Variants in HS6ST3 observed in about 807,000 individuals in gnomAD.
The protein encoded by HS6ST3 is heparan sulfate 6-O-sulfotransferase 3.
HS6ST3 carries 12 observed loss-of-function variants against 36.7 expected under a neutral mutation model. The ratio of observed to expected loss-of-function variants is 0.33; its 90% CI spans 0.21 to 0.53. HS6ST3 has a LOEUF of 0.53. Among genes scored for constraint, HS6ST3 ranks in the 20% least tolerant of loss-of-function variants. HS6ST3 has a pLI of 0.95. For missense variants in HS6ST3, 584 were observed against 640.9 expected, an observed-to-expected ratio of 0.91 and a Z score of 0.96; for synonymous variants, 240 against 257.5, an observed-to-expected ratio of 0.93 and a Z score of 0.65.
chr13:96,260,508 T>C (rs1195675830), intron 1 of HS6ST3, among the ~76,000 whole-genome samples: 2 of 151,294 alleles, frequency 1.3e-5, no homozygotes, highest in Non-Finnish European at 2.9e-5. Flanking sequence ...AGAGACGGGG[T>C]TTCACCATGT....
intron 1 of HS6ST3, among the ~76,000 whole-genome samples, chr13:96,270,169 AGT>A (rs1027958128): frequency 1.3e-5 from 2 of 151,642 alleles, no homozygotes. Context: ...TTTGCACTTG[AGT>A]GTGTGTGTGC....
chr13:96,802,234 G>A (rs897654048), intron 1 of HS6ST3, among the ~76,000 whole-genome samples: 3 of 152,106 alleles, frequency 2.0e-5, no homozygotes, highest in Non-Finnish European at 2.9e-5. Context: ...CAGGATTTAC[G>A]TGATTCATGG....
intron 1 of HS6ST3, among the ~76,000 whole-genome samples, chr13:96,092,342 G>A (rs1029093006): frequency 2.6e-5 from 4 of 152,160 alleles, no homozygotes; most frequent in Middle Eastern, 3.2e-3. Flanking sequence ...CTTGTTTTCA[G>A]GATGGAATGA....
intron 1 of HS6ST3, among the ~76,000 whole-genome samples, chr13:96,346,677 G>C (rs2055157242): frequency 6.6e-6 from 1 of 152,084 alleles, no homozygotes; most frequent in African/African-American, 2.4e-5. Context: ...GCTAAAACTT[G>C]GGCATGTTTT....
intron 1 of HS6ST3, among the ~76,000 whole-genome samples, chr13:96,786,195 A>T (rs948201653): frequency 3.9e-5 from 6 of 152,110 alleles, no homozygotes; most frequent in African/African-American, 1.4e-4. Context: ...CTCTTTCGCC[A>T]GCCCTTTGCG....
chr13:96,178,805 G>T (rs192787540), intron 1 of HS6ST3, among the ~76,000 whole-genome samples: 4 of 152,192 alleles, frequency 2.6e-5, no homozygotes, highest in African/African-American at 9.6e-5. Context: ...CACCCCCTGG[G>T]CACAGACACC....
chr13:96,336,462 A>C (rs2055101391), intron 1 of HS6ST3, among the ~76,000 whole-genome samples: 1 of 152,228 alleles, frequency 6.6e-6, no homozygotes, highest in African/African-American at 2.4e-5. Context: ...TATAGAGGTA[A>C]TTAAGTTAAG....
chr13:96,563,960 A>G (rs1457955955), intron 1 of HS6ST3, among the ~76,000 whole-genome samples: 1 of 152,180 alleles, frequency 6.6e-6, no homozygotes, highest in Non-Finnish European at 1.5e-5. Flanking sequence ...TGCCTTGCAG[A>G]TAACAGGAAA....
chr13:96,433,407 G>A (rs180935476), intron 1 of HS6ST3, among the ~76,000 whole-genome samples: 19 of 152,284 alleles, frequency 1.2e-4, no homozygotes, highest in Admixed American at 3.9e-4. Context: ...CAAGGGTAAG[G>A]TCAGGTGGAG....
chr13:96,764,023 C>A, intron 1 of HS6ST3, among the ~76,000 whole-genome samples: 1 of 152,122 alleles, frequency 6.6e-6, no homozygotes, highest in South Asian at 2.1e-4. Context: ...CCCACCAAAT[C>A]ACAGTCATTT....
At chr13:96,757,581 A>G (rs1024258) in intron 1 of HS6ST3, among the ~76,000 whole-genome samples, 103 of 152,278 alleles carry the variant, frequency 6.8e-4, no homozygotes, top group African/African-American at 2.4e-3. Flanking sequence ...TCAATATTCT[A>G]TCACCAAATA....
At chr13:96,202,305 C>A (rs757440538) in intron 1 of HS6ST3, among the ~76,000 whole-genome samples, 4 of 152,198 alleles carry the variant, frequency 2.6e-5, no homozygotes, top group African/African-American at 4.8e-5. Context: ...CTCCTCACAT[C>A]CAGTTGAAAT....
At chr13:96,132,923 G>A (rs2053983240) in intron 1 of HS6ST3, among the ~76,000 whole-genome samples, 1 of 151,964 alleles carries the variant, frequency 6.6e-6, no homozygotes, top group African/African-American at 2.4e-5. Flanking sequence ...TATGTTTTTT[G>A]AGAAATGCCT....
chr13:96,222,350 C>G (rs146492808), intron 1 of HS6ST3, among the ~76,000 whole-genome samples: 1 of 152,262 alleles, frequency 6.6e-6, no homozygotes, highest in Non-Finnish European at 1.5e-5. Flanking sequence ...AAGGTGATTG[C>G]AACATTTCTT....
intron 1 of HS6ST3, among the ~76,000 whole-genome samples, chr13:96,503,957 C>G (rs1207154362): frequency 5.9e-5 from 9 of 152,056 alleles, no homozygotes. Context: ...TTTGTTGTAG[C>G]CTCACAAGGT....
rs369262025 is a variant in HS6ST3 at position 96,692,412 on chromosome 13, GA to G, written c.708-140075del. On this transcript the variant is annotated intron_variant, in intron 1 of 1. Coordinates refer to ENST00000376705, the MANE Select transcript of HS6ST3 (RefSeq NM_153456.4). ...AAAAAGTCTGTGCATGTTCACTACA[GA>G]AACTTTTTTTCCAGATATTTTGTAT... is the stretch of plus-strand genomic sequence containing the variant. Among the ~76,000 whole-genome samples, 374 of 152,286 alleles carry G rather than the reference GA, an allele frequency of 2.5e-3. 1 individual carries two copies. The highest frequency in any genetic ancestry group is 8.7e-3 in the African/African-American group (360 of 41,572).
At chr13:96,276,062 TCATGCCTTGCCATTCCCAG>T (rs1464981449) in intron 1 of HS6ST3, among the ~76,000 whole-genome samples, 73 of 152,134 alleles carry the variant, frequency 4.8e-4, no homozygotes, top group African/African-American at 1.5e-3. Flanking sequence ...ACCATTCCCA[TCATGCCTTGCCATTCCCAG>T]CATGCCTTGC....
chr13:96,821,249 C>T (rs1878528388), intron 1 of HS6ST3, among the ~76,000 whole-genome samples: 1 of 152,174 alleles, frequency 6.6e-6, no homozygotes, highest in Non-Finnish European at 1.5e-5. Flanking sequence ...CCTGTCCATC[C>T]CTGGCCTTGC....
chr13:96,178,012 A>G (rs1414983571), intron 1 of HS6ST3, among the ~76,000 whole-genome samples: 1 of 152,106 alleles, frequency 6.6e-6, no homozygotes, highest in Non-Finnish European at 1.5e-5. Flanking sequence ...TATTGTGGTT[A>G]TCATTGCAAA....
Sources: gnomAD v4.1 joint callset for allele counts (sites outside exome capture counted in the v4.1 genomes callset) on GRCh38, gnomAD v4.1.1 for gene constraint, MANE v1.5 for transcripts, NCBI Gene and HGNC (gene_info 2026-07-23, HGNC 2026-07-21) for gene names.